CEACAM1: variants seen among roughly 807,000 people sequenced by gnomAD.
CEACAM1 encodes the protein CEA cell adhesion molecule 1.
In CEACAM1, 31 loss-of-function variants were observed where a neutral mutation model predicts 49.1. The observed-to-expected ratio is 0.63, with a 90% CI of 0.47 to 0.85. CEACAM1 has a LOEUF of 0.85. CEACAM1 is among the 40% of genes least tolerant of loss of function. CEACAM1 has a pLI of 0.00. For missense variants in CEACAM1, 570 were observed against 645.3 expected, an observed-to-expected ratio of 0.88 and a Z score of 1.26; for synonymous variants, 244 against 247.8, an observed-to-expected ratio of 0.98 and a Z score of 0.14.
chr19:42,511,027 G>T, intron 7 of CEACAM1, 107 bp from the exon 8 acceptor site: 1 of 1,037,788 alleles, frequency 9.6e-7, no homozygotes. Flanking sequence ...TTAAGGATCA[G>T]TTAAGGAATT....
chr19:42,524,483 T>C (rs1199132665), intron 2 of CEACAM1, among the ~76,000 whole-genome samples: 7 of 152,192 alleles, frequency 4.6e-5, no homozygotes, highest in African/African-American at 1.4e-4. Flanking sequence ...TCCCCTGGCC[T>C]GTTCCACATG....
At chr19:42,522,539 C>G (rs1188694751) in intron 2 of CEACAM1, among the ~76,000 whole-genome samples, 1 of 150,956 alleles carries the variant, frequency 6.6e-6, no homozygotes, top group Non-Finnish European at 1.5e-5. Context: ...CCTGAGCCAC[C>G]GTGCCTGGCT....
rs918811174 is a variant in CEACAM1 at position 42,519,308 on chromosome 19, C to T, written c.959-73G>A. On this transcript the variant is annotated intron_variant, in intron 4 of 8. Transcript: ENST00000161559. ...GGGCCTGGGGCCTAGGGCTATGCTC[C>T]TTTCCCTGAGATTTTAGCCAGCTCT... is the stretch of plus-strand genomic sequence containing the variant. 99 of 1,470,906 alleles carry T rather than the reference C, an allele frequency of 6.7e-5. 1 individual carries two copies. In the South Asian group the frequency reaches 1.2e-3, roughly 18 times the overall value. The allele number at this position is 1,470,906 out of a possible 1,614,324, so 91.1% of individuals were successfully genotyped here. A position where few individuals can be genotyped will look rare whatever the true frequency, so the allele number is the denominator to read the frequency against.
rs71167399 is a variant in CEACAM1, at chr19:42,518,496, C to CTT, written c.1246+450_1246+451dup. The CTT allele has an allele frequency of 6.9e-4, 94 of 136,220 alleles. 1 individual carries two copies. The highest frequency in any genetic ancestry group is 1.7e-3 in the South Asian group (9 of 5,308). 8.4% of individuals were successfully genotyped at this position (136,220 alleles called of 1,614,324 possible). On this transcript the variant is annotated intron_variant, in intron 5 of 8. Coordinates refer to ENST00000161559, the MANE Select transcript of CEACAM1 (RefSeq NM_001712.5). ...GTATATTTGATTCAGAGCCTGAGCT[C>CTT]TTTTTTTTTTTTTTTTTTTGAGACA...
chr19:42,524,640 T>C (rs2041843803), intron 2 of CEACAM1, among the ~76,000 whole-genome samples: 1 of 152,084 alleles, frequency 6.6e-6, no homozygotes, highest in South Asian at 2.1e-4. Flanking sequence ...CAGTCAACCT[T>C]GTTAGACGGA....
At chr19:42,510,595 G>C (rs1427791956) in intron 8 of CEACAM1, among the ~76,000 whole-genome samples, 2 of 152,192 alleles carry the variant, frequency 1.3e-5, no homozygotes, top group Admixed American at 6.5e-5. Flanking sequence ...GAAGTAGGCA[G>C]AATGCCCATT....
rs2041741565 is a variant in CEACAM1 at position 42,521,348 on chromosome 19, T to A, written c.877A>T (p.Asn293Tyr). ...ELFIPNITVN[N>Y]SGSYTCHANN... ...GCGTGGCAGGTATAGGATCCACTAT[T>A]ATTCACAGTGATGTTAGGGATAAAG... is the stretch of plus-strand genomic sequence containing the variant. The change falls in exon 4 of 9, where the codon AAT (asparagine) becomes TAT (tyrosine). Residue 293 changes from asparagine (N) to tyrosine (Y), a missense_variant. Physicochemically the swap from Asn to Tyr is moderately radical, Grantham distance 143. Coordinates refer to ENST00000161559, the MANE Select transcript of CEACAM1 (RefSeq NM_001712.5). 1 of 1,614,064 alleles carries A rather than the reference T, an allele frequency of 6.2e-7. No homozygotes were observed. The highest frequency in any genetic ancestry group is 1.1e-5 in the South Asian group (1 of 91,090).
At position 42,513,028 on chromosome 19, in the gene CEACAM1, G is replaced by A. The variant is rs184986366; in HGVS notation, c.1247-549C>T. Among the ~76,000 whole-genome samples the A allele has an allele frequency of 1.2e-3, 176 of 152,268 alleles. 2 individuals are homozygous for A. The highest frequency in any genetic ancestry group is 1.8e-4 in the Non-Finnish European group (12 of 68,014). Reference sequence around the variant, plus strand: ...GCCAATTCCACCCTGGCTTTTCTGCGCTCAGCCATTTTTAAGGCTTTGAAA... The same window carrying A: ...GCCAATTCCACCCTGGCTTTTCTGCACTCAGCCATTTTTAAGGCTTTGAAA... On this transcript the variant is annotated intron_variant, in intron 5 of 8. Transcript: ENST00000161559.
Position 42,528,447 on chromosome 19 carries a change from C to G in CEACAM1, c.-73G>C. 1 of 1,406,172 alleles carries G rather than the reference C, an allele frequency of 7.1e-7. No homozygotes were observed. Among genetic ancestry groups the G allele is most frequent in the Non-Finnish European group, 1.0e-6 (1 of 995,712 alleles). The allele number at this position is 1,406,172 out of a possible 1,614,324, so 87.1% of individuals were successfully genotyped here. A position where few individuals can be genotyped will look rare whatever the true frequency, so the allele number is the denominator to read the frequency against. On this transcript the variant is annotated 5_prime_UTR_variant, in exon 1 of 9. Coordinates refer to ENST00000161559, the MANE Select transcript of CEACAM1 (RefSeq NM_001712.5). ...TCCAGGAACGCTTCGAGCACGGCTG[C>G]TCTGTCACCTCTGCTGTTTTCCACT...
intron 4 of CEACAM1, chr19:42,520,911 G>A (rs2041728854): frequency 7.8e-6 from 2 of 255,380 alleles, no homozygotes; most frequent in African/African-American, 2.2e-5. Flanking sequence ...TCATGGAATA[G>A]GTAAAAGAAG....
intron 4 of CEACAM1, chr19:42,521,040 A>G: frequency 3.8e-6 from 2 of 530,928 alleles, no homozygotes; most frequent in Non-Finnish European, 6.7e-6. Context: ...GGGCTGAGAG[A>G]ACCCCCTCCC....
intron 4 of CEACAM1, among the ~76,000 whole-genome samples, chr19:42,519,744 T>A (rs750221910): frequency 3.3e-5 from 5 of 152,102 alleles, no homozygotes; most frequent in Non-Finnish European, 5.9e-5. Flanking sequence ...TAATTTTTTG[T>A]ATTTTTAGTA....
chr19:42,515,228 A>T (rs1483394007), intron 5 of CEACAM1: 2 of 468,998 alleles, frequency 4.3e-6, no homozygotes. Context: ...GCACCACTGC[A>T]CTCCAGTCTG....
At chr19:42,525,637 G>C (rs1384330572) in intron 2 of CEACAM1, 4 of 152,212 alleles carry the variant, frequency 2.6e-5, no homozygotes, top group African/African-American at 9.7e-5. Context: ...TCCCCTCTGG[G>C]CTGCAGATGC....
chr19:42,513,915 T>TATATATAAAAATAA (rs1432939598), intron 5 of CEACAM1, among the ~76,000 whole-genome samples: 1 of 129,828 alleles, frequency 7.7e-6, no homozygotes, highest in African/African-American at 3.7e-5. Context: ...TATATATATA[T>TATATATAAAAATAA]ATAATATATA....
At chr19:42,521,062 C>T in intron 4 of CEACAM1, 1 of 601,404 alleles carries the variant, frequency 1.7e-6, no homozygotes, top group East Asian at 2.7e-5. Flanking sequence ...ACATTCCAGG[C>T]TGGACCTAAG....
chr19:42,517,937 T>G (rs1016727311), intron 5 of CEACAM1, among the ~76,000 whole-genome samples: 5 of 152,234 alleles, frequency 3.3e-5, no homozygotes, highest in African/African-American at 1.2e-4. Flanking sequence ...TAACTGTCCA[T>G]AGATGGATGA....
At chr19:42,524,848 C>G (rs1022969508) in intron 2 of CEACAM1, among the ~76,000 whole-genome samples, 2 of 152,118 alleles carry the variant, frequency 1.3e-5, no homozygotes, top group Non-Finnish European at 2.9e-5. Context: ...CCCTGAAAAC[C>G]TTCCCACAGC....
chr19:42,512,161 A>G (rs751006394), intron 6 of CEACAM1, among the ~76,000 whole-genome samples, 189 bp downstream of exon 6: 3 of 152,192 alleles, frequency 2.0e-5, no homozygotes, highest in Admixed American at 2.0e-4. Context: ...CCCATGTCCA[A>G]GAGATAATGG....
Sources: allele counts gnomAD v4.1 joint callset (sites outside exome capture counted in the v4.1 genomes callset), GRCh38; gene constraint gnomAD v4.1.1; transcripts MANE v1.5; gene names NCBI Gene and HGNC (gene_info 2026-07-23, HGNC 2026-07-21).